The following SIMC1 variants were observed in gnomAD, a reference collection of about 807,000 sequenced individuals.
The protein encoded by SIMC1 is SUMO-interacting motif-containing protein 1.
SIMC1 carries 55 observed loss-of-function variants against 82.3 expected under a neutral mutation model. That is an observed-to-expected ratio of 0.67 (90% CI 0.54 to 0.84). The LOEUF (loss-of-function observed/expected upper bound fraction) is 0.84. SIMC1 is among the 40% of genes least tolerant of loss of function. The pLI is 0.00. For synonymous variants in SIMC1, 353 were observed against 426.3 expected, an observed-to-expected ratio of 0.83 and a Z score of 2.12; for missense variants, 915 against 1,107.2, an observed-to-expected ratio of 0.83 and a Z score of 2.46.
In SIMC1 at chr5:176,337,098, G is replaced by T. The variant is rs773428739; in HGVS notation, c.2365G>T (p.Val789Phe). 1.2e-6 allele frequency: 2 copies of T among 1,614,032 alleles called. No homozygotes were observed. The highest frequency in any genetic ancestry group is 1.7e-6 in the Non-Finnish European group (2 of 1,179,906). Residue 789 changes from valine to phenylalanine, a missense_variant, in exon 9 of 10, where the codon GTT becomes TTT. Coordinates refer to ENST00000429602, the MANE Select transcript of SIMC1 (RefSeq NM_001308195.2). ...KSQWQTWDEL[V>F]EHLQFLLSSY... ...CCAGTGGCAGACTTGGGACGAATTG[G>T]TTGAGCATCTGCAGTTTCTGCTGTC...
At position 176,295,268 on chromosome 5, in the gene SIMC1, A is replaced by G. The variant is rs764325367; in HGVS notation, c.1664+6A>G. The G allele has an allele frequency of 1.9e-6, 3 of 1,609,042 alleles. No homozygotes were observed. The highest frequency in any genetic ancestry group is 4.5e-5 in the East Asian group (2 of 44,796). On this transcript the variant is annotated splice_donor_region_variant and intron_variant, in intron 3 of 9. Coordinates refer to ENST00000429602, the MANE Select transcript of SIMC1 (RefSeq NM_001308195.2). The stretch of plus-strand genomic sequence containing the variant: ...CTTCTCATGAAAATTCAACAGTATG[A>G]ACCGTAACCTCTGGCTGTTGGCGAA...
At chr5:176,248,477 A>G (rs1389968988) in intron 1 of SIMC1, among the ~76,000 whole-genome samples, 1 of 152,118 alleles carries the variant, frequency 6.6e-6, no homozygotes, top group Non-Finnish European at 1.5e-5. Context: ...GACTTTGCTG[A>G]AGTTGCTTAT....
In SIMC1 at chr5:176,345,449, C is replaced by A; in HGVS notation, c.*4C>A. 1 of 1,610,378 alleles carries A rather than the reference C, an allele frequency of 6.2e-7. No homozygotes were observed. The highest frequency in any genetic ancestry group is 8.5e-7 in the Non-Finnish European group (1 of 1,177,978). On this transcript the variant is annotated 3_prime_UTR_variant, in exon 10 of 10. Coordinates refer to ENST00000429602, the MANE Select transcript of SIMC1 (RefSeq NM_001308195.2). ...AAAGGGCTGGAGCGGCTCCTGAGGG[C>A]CTGCCAAGCACTGAATGCCAAGAAT...
chr5:176,324,692 C>A lies in SIMC1; in HGVS notation c.2106C>A (p.Cys702Ter). 1 of 1,606,550 alleles carries A rather than the reference C, an allele frequency of 6.2e-7. No individual in the cohort carries two copies. Among genetic ancestry groups the A allele is most frequent in the Non-Finnish European group, 8.5e-7 (1 of 1,176,418 alleles). Residue 702 changes from cysteine (C) to a stop codon, truncating the protein, a stop_gained, in exon 7 of 10, where the codon TGC becomes TGA. Transcript: ENST00000429602. LOFTEE classifies it high-confidence loss of function. The part of the protein sequence containing the change: ...IAVEVDRTPT[C>*]SSNKIAEMMF... ...TAGAGGTGGACAGGACCCCCACCTG[C>A]AGCTCCAATAAAATTGCCGAGATGA...
At chr5:176,292,190 G>A (rs191308442) in intron 2 of SIMC1, among the ~76,000 whole-genome samples, 26 of 152,260 alleles carry the variant, frequency 1.7e-4, no homozygotes, top group African/African-American at 6.0e-4. Flanking sequence ...GCTGACTTTG[G>A]GGGAGGAAAT....
At chr5:176,255,452 G>A (rs891254098) in intron 1 of SIMC1, among the ~76,000 whole-genome samples, 6 of 151,566 alleles carry the variant, frequency 4.0e-5, no homozygotes, top group African/African-American at 9.7e-5. Flanking sequence ...GTGTAGTGGC[G>A]CACATTCGTA....
intron 5 of SIMC1, among the ~76,000 whole-genome samples, chr5:176,320,746 G>GTT (rs971677586): frequency 6.9e-6 from 1 of 145,888 alleles, no homozygotes. Context: ...AGCTATTGAA[G>GTT]TTTTTTTTTT....
In SIMC1 at chr5:176,345,163, G is replaced by T; in HGVS notation, c.2414-20G>T. The T allele has an allele frequency of 1.2e-6, 2 of 1,605,188 alleles. No homozygotes were observed. The highest frequency in any genetic ancestry group is 2.2e-5 in the South Asian group (2 of 90,148). On this transcript the variant is annotated intron_variant, in intron 9 of 9. Coordinates refer to ENST00000429602, the MANE Select transcript of SIMC1 (RefSeq NM_001308195.2). Reference sequence around the variant, plus strand: ...AAAAAGCAGTTCAGAGCACCCAACTGACTTTTTTCCCTCTTGCAGAACACT... The same window carrying T: ...AAAAAGCAGTTCAGAGCACCCAACTTACTTTTTTCCCTCTTGCAGAACACT...
chr5:176,316,926 G>A (rs551218573), intron 5 of SIMC1, among the ~76,000 whole-genome samples: 1 of 152,262 alleles, frequency 6.6e-6, no homozygotes, highest in East Asian at 1.9e-4. Context: ...GGCAGAGGTT[G>A]CAGTGAGCCA....
At position 176,289,813 on chromosome 5, in the gene SIMC1, C is replaced by G; in HGVS notation, c.289C>G (p.Leu97Val). The G allele has an allele frequency of 6.2e-7, 1 of 1,614,006 alleles. No homozygotes were observed. The highest frequency in any genetic ancestry group is 8.5e-7 in the Non-Finnish European group (1 of 1,179,888). The change falls in exon 2 of 10, where the codon CTT becomes GTT. Residue 97 changes from leucine to valine, a missense_variant. By Grantham distance (32) the Leu-to-Val change is conservative. This residue lies in a region of SIMC1 where 902 missense variants were observed against 1,040.3 expected (regional missense o/e 0.87). Coordinates refer to ENST00000429602, the MANE Select transcript of SIMC1 (RefSeq NM_001308195.2). Reference sequence around the variant, plus strand: ...TCCTTCCCAGAAGGAGCCAACCAGTCTTCAGACATGTGCCAGCCTCTCTGG... The same window carrying G: ...TCCTTCCCAGAAGGAGCCAACCAGTGTTCAGACATGTGCCAGCCTCTCTGG... ...VTPSQKEPTS[L>V]QTCASLSGKA...
intron 1 of SIMC1, among the ~76,000 whole-genome samples, chr5:176,246,461 T>C (rs1356506137): frequency 4.0e-5 from 6 of 150,256 alleles, no homozygotes; most frequent in South Asian, 2.1e-4. Flanking sequence ...GTTTGTTTGT[T>C]TGTCTTGAGA....
At position 176,308,801 on chromosome 5, in the gene SIMC1, A is replaced by G. The variant is rs529194638; in HGVS notation, c.1735-4890A>G. Reference sequence around the variant, plus strand: ...TCCTGTGCCAGGAGGAGCAGGATGCATATTGGAGGATCCACAGCCTTACAC... The same window carrying G: ...TCCTGTGCCAGGAGGAGCAGGATGCGTATTGGAGGATCCACAGCCTTACAC... On this transcript the variant is annotated intron_variant, in intron 4 of 9. Coordinates refer to ENST00000429602, the MANE Select transcript of SIMC1 (RefSeq NM_001308195.2). The G allele has an allele frequency of 8.9e-6, 11 of 1,240,416 alleles. No homozygotes were observed. The Admixed American group carries it at 1.2e-4, about 13-fold the overall frequency. The allele number at this position is 1,240,416 out of a possible 1,614,324, so 76.8% of individuals were successfully genotyped here. A position where few individuals can be genotyped will look rare whatever the true frequency, so the allele number is the denominator to read the frequency against.
chr5:176,324,114 T>G (rs993679481), intron 6 of SIMC1, among the ~76,000 whole-genome samples: 2 of 151,694 alleles, frequency 1.3e-5, no homozygotes, highest in East Asian at 3.9e-4. Context: ...CACAGTTAGA[T>G]CTAATGGGAG....
At chr5:176,320,855 C>T (rs997030984) in intron 5 of SIMC1, among the ~76,000 whole-genome samples, 17 of 152,178 alleles carry the variant, frequency 1.1e-4, no homozygotes, top group African/African-American at 4.1e-4. Flanking sequence ...ATTCCTTTGC[C>T]TAATTCATAG....
intron 2 of SIMC1, among the ~76,000 whole-genome samples, chr5:176,291,375 C>G (rs1488329613): frequency 7.2e-6 from 1 of 138,828 alleles, no homozygotes; most frequent in Non-Finnish European, 1.5e-5. Context: ...CTCGCTCTGT[C>G]GCCCAGGCTG....
chr5:176,315,741 CA>C (rs1360893689), intron 5 of SIMC1, among the ~76,000 whole-genome samples: 1 of 152,152 alleles, frequency 6.6e-6, no homozygotes, highest in Non-Finnish European at 1.5e-5. Context: ...TCAGTTTTCC[CA>C]CCCCCTTAGT....
intron 4 of SIMC1, chr5:176,308,233 T>C: frequency 6.5e-7 from 1 of 1,538,310 alleles, no homozygotes; most frequent in Non-Finnish European, 8.9e-7. Flanking sequence ...ATACTGGAAC[T>C]GAAATGCGCA....
intron 4 of SIMC1, chr5:176,308,080 G>A: frequency 1.4e-6 from 1 of 732,090 alleles, no homozygotes; most frequent in South Asian, 1.5e-5. Context: ...TGCAGGTGGT[G>A]CAGGCGGTGC....
intron 4 of SIMC1, among the ~76,000 whole-genome samples, chr5:176,306,028 A>G (rs1242045661): frequency 3.7e-4 from 7 of 19,158 alleles, no homozygotes; most frequent in African/African-American, 5.9e-4. Context: ...TCCGGGAGGG[A>G]GGTTGGGGGG....
Sources: allele counts gnomAD v4.1 joint callset (sites outside exome capture counted in the v4.1 genomes callset), GRCh38; gene constraint gnomAD v4.1.1; regional missense constraint gnomAD v4.1.1; transcripts MANE v1.5; gene names NCBI Gene and HGNC (gene_info 2026-07-23, HGNC 2026-07-21).